The following ANKRD30B variants were observed in gnomAD, a reference collection of about 807,000 sequenced individuals.
ANKRD30B encodes ankyrin repeat domain 30B.
A neutral mutation model predicts 202.2 loss-of-function variants in ANKRD30B; 144 were observed. The observed-to-expected ratio is 0.71, with a 90% CI of 0.62 to 0.82. The LOEUF is 0.82. Ranked by LOEUF, ANKRD30B falls within the 40% of genes least tolerant of loss-of-function variation. The pLI, the probability that ANKRD30B is intolerant of heterozygous loss-of-function variation, is 0.00. For missense variants in ANKRD30B, 1,487 were observed against 1,669.1 expected (o/e 0.89, Z 1.90); for synonymous variants, 508 against 561.3 (o/e 0.91, Z 1.34).
chr18:14,795,631 T>C (rs968865044), intron 16 of ANKRD30B, among the ~76,000 whole-genome samples: 2 of 152,160 alleles, frequency 1.3e-5, no homozygotes, highest in Non-Finnish European at 2.9e-5. Flanking sequence ...TAAATATATT[T>C]ATAAACTTTT....
At chr18:14,810,295 G>C (rs45449192) in intron 28 of ANKRD30B, 115 bp downstream of exon 28, 20 of 668,352 alleles carry the variant, frequency 3.0e-5, no homozygotes, top group Non-Finnish European at 4.7e-5. Flanking sequence ...GGGAAAATTT[G>C]ATACAAATAA....
At chr18:14,795,314 C>T (rs1410968459) in intron 16 of ANKRD30B, among the ~76,000 whole-genome samples, 1 of 152,160 alleles carries the variant, frequency 6.6e-6, no homozygotes, top group African/African-American at 2.4e-5. Context: ...CTCACAGCTC[C>T]GGCTCCCAAG....
At chr18:14,871,142 C>CCCCCACCCACACAA in the ANKRD30B span, among the ~76,000 whole-genome samples, 125 of 50,286 alleles carry the variant, frequency 2.5e-3, 5 homozygotes, top group Middle Eastern at 0.014. Flanking sequence ...CACCCACACA[C>CCCCCACCCACACAA]CCCCACCCAC....
chr18:14,790,082 G>A (rs1447225597), intron 15 of ANKRD30B, among the ~76,000 whole-genome samples: 1 of 152,086 alleles, frequency 6.6e-6, no homozygotes, highest in African/African-American at 2.4e-5. Context: ...GTGGTTTGTA[G>A]TTCTCCTTGA....
chr18:14,866,378 G>C, the ANKRD30B span, among the ~76,000 whole-genome samples: 1 of 152,150 alleles, frequency 6.6e-6, no homozygotes, highest in Admixed American at 6.5e-5. Flanking sequence ...TAGGAGGGGG[G>C]CTGGAGCAGT....
chr18:14,808,083 G>A (rs901484609), intron 24 of ANKRD30B, among the ~76,000 whole-genome samples: 3 of 150,938 alleles, frequency 2.0e-5, no homozygotes, highest in African/African-American at 7.3e-5. Context: ...TAAATTACAG[G>A]ACAAATTGAA....
At position 14,748,227 on chromosome 18, in the gene ANKRD30B, A is replaced by T; in HGVS notation, c.-193A>T. On this transcript the variant is annotated 5_prime_UTR_variant, in exon 1 of 44. Coordinates refer to ENST00000690538, the MANE Select transcript of ANKRD30B (RefSeq NM_001367607.2). ...CTCTGCTCAGAATTTCTCCCGACAG[A>T]GGCCGGAGTGTTCAAGAGCTTGGCG... 2 of 500,024 alleles carry T rather than the reference A, an allele frequency of 4.0e-6. No individual in the cohort carries two copies. The highest frequency in any genetic ancestry group is 7.0e-6 in the Non-Finnish European group (2 of 284,662). The allele number at this position is 500,024 out of a possible 1,614,324, so 31.0% of individuals were successfully genotyped here. A position where few individuals can be genotyped will look rare whatever the true frequency, so the allele number is the denominator to read the frequency against.
At chr18:14,880,740 A>G in the ANKRD30B span, among the ~76,000 whole-genome samples, 8 of 151,352 alleles carry the variant, frequency 5.3e-5, no homozygotes, top group East Asian at 1.6e-3. Flanking sequence ...TCCCTCTATG[A>G]TTTCTTTCAG....
chr18:14,751,986 C>T (rs1465865895), intron 1 of ANKRD30B, among the ~76,000 whole-genome samples: 1 of 152,114 alleles, frequency 6.6e-6, no homozygotes, highest in African/African-American at 2.4e-5. Context: ...AATGGCATTT[C>T]AATGTCAGAG....
intron 30 of ANKRD30B, among the ~76,000 whole-genome samples, chr18:14,821,591 G>T (rs1042174726): frequency 6.6e-6 from 1 of 152,146 alleles, no homozygotes; most frequent in Non-Finnish European, 1.5e-5. Context: ...CCAAGTAGCT[G>T]GGGTTACAGG....
At chr18:14,859,399 G>A (rs1972146051), downstream of ANKRD30B, among the ~76,000 whole-genome samples, 1 of 48,526 alleles carries the variant, frequency 2.1e-5, no homozygotes, top group Non-Finnish European at 4.0e-5. Context: ...CCCAGATGGG[G>A]CAGCCAGGCA....
chr18:14,750,295 A>G (rs944527430), intron 1 of ANKRD30B, among the ~76,000 whole-genome samples: 30 of 152,194 alleles, frequency 2.0e-4, no homozygotes, highest in African/African-American at 6.8e-4. Context: ...TAAATTGCAG[A>G]TCTAAAAAAG....
At chr18:14,869,565 T>C in the ANKRD30B span, among the ~76,000 whole-genome samples, 3 of 152,250 alleles carry the variant, frequency 2.0e-5, no homozygotes, top group African/African-American at 7.2e-5. Flanking sequence ...TTTTTAATTA[T>C]GCTACATTAA....
intron 30 of ANKRD30B, among the ~76,000 whole-genome samples, chr18:14,820,926 T>G (rs1258100649): frequency 6.6e-6 from 1 of 152,192 alleles, no homozygotes; most frequent in East Asian, 1.9e-4. Flanking sequence ...TGGAATAGTT[T>G]CAGAAGGAAT....
chr18:14,866,486 C>T, the ANKRD30B span, among the ~76,000 whole-genome samples: 1 of 152,224 alleles, frequency 6.6e-6, no homozygotes, highest in African/African-American at 2.4e-5. Context: ...TGGCTGGCAG[C>T]TGGAGCTGCT....
chr18:14,832,915 G>T (rs925852955), intron 34 of ANKRD30B, among the ~76,000 whole-genome samples: 18 of 152,058 alleles, frequency 1.2e-4, no homozygotes, highest in Non-Finnish European at 2.1e-4. Flanking sequence ...ATATATTTTA[G>T]TCTCAACTCA....
chr18:14,899,856 AGGTTATAAATTTAGC>A, the ANKRD30B span, among the ~76,000 whole-genome samples: 1 of 152,150 alleles, frequency 6.6e-6, no homozygotes, highest in Non-Finnish European at 1.5e-5. Context: ...TGGTTTGTTA[AGGTTATAAATTTAGC>A]AGCATATGAC....
At chr18:14,841,123 T>C (rs1275699364) in intron 37 of ANKRD30B, among the ~76,000 whole-genome samples, 1 of 152,232 alleles carries the variant, frequency 6.6e-6, no homozygotes, top group Non-Finnish European at 1.5e-5. Context: ...CAGTCTTGTC[T>C]TTCTCACTGG....
At chr18:14,831,690 G>A (rs1247528505) in intron 34 of ANKRD30B, among the ~76,000 whole-genome samples, 1 of 151,938 alleles carries the variant, frequency 6.6e-6, no homozygotes, top group Admixed American at 6.6e-5. Context: ...AATACTCTGA[G>A]GGTGTGAGGG....
Sources: allele counts gnomAD v4.1 joint callset (sites outside exome capture counted in the v4.1 genomes callset), GRCh38; gene constraint gnomAD v4.1.1; transcripts MANE v1.5; gene names NCBI Gene and HGNC (gene_info 2026-07-23, HGNC 2026-07-21).